Variants in ASIC2 observed in about 807,000 individuals in gnomAD.
ASIC2 encodes the protein acid sensing ion channel subunit 2.
In ASIC2, 25 loss-of-function variants were observed where a neutral mutation model predicts 57.3. The observed-to-expected ratio is 0.44, with a 90% CI of 0.32 to 0.61. The LOEUF (loss-of-function observed/expected upper bound fraction) is 0.61, where lower values mean the gene tolerates loss of function less well. ASIC2 is among the 20% of genes least tolerant of loss of function. The pLI is 0.06. For synonymous variants in ASIC2, 319 were observed against 307.5 expected (o/e 1.04, Z -0.39); for missense variants, 641 against 738.1 (o/e 0.87, Z 1.52).
intron 1 of ASIC2, among the ~76,000 whole-genome samples, chr17:33,414,156 G>A (rs1313475866): frequency 6.6e-6 from 1 of 152,110 alleles, no homozygotes; most frequent in African/African-American, 2.4e-5. Flanking sequence ...GAAGGTACAC[G>A]CCATAGGTAC....
chr17:33,571,753 G>A (rs1316995723), intron 1 of ASIC2, among the ~76,000 whole-genome samples: 1 of 152,184 alleles, frequency 6.6e-6, no homozygotes, highest in Non-Finnish European at 1.5e-5. Context: ...AAGACAAGAG[G>A]ATGTTGTCTG....
At chr17:33,291,267 A>G (rs1905425774) in intron 1 of ASIC2, 141 bp downstream of exon 1, 3 of 1,417,386 alleles carry the variant, frequency 2.1e-6, no homozygotes, top group African/African-American at 1.4e-5. Context: ...AGGGGACCCA[A>G]GAATGGGTTC....
chr17:33,731,145 C>A (rs1225526422), intron 1 of ASIC2, among the ~76,000 whole-genome samples: 4 of 152,200 alleles, frequency 2.6e-5, no homozygotes, highest in African/African-American at 9.7e-5. Flanking sequence ...TGTTTATATT[C>A]TCACACCTCA....
At chr17:33,348,599 G>C (rs1908042883) in intron 1 of ASIC2, among the ~76,000 whole-genome samples, 1 of 152,098 alleles carries the variant, frequency 6.6e-6, no homozygotes. Flanking sequence ...GAGAGGGTTA[G>C]GAAATTGGGT....
chr17:33,134,231 G>T (rs1021284102), intron 1 of ASIC2, among the ~76,000 whole-genome samples: 2 of 152,230 alleles, frequency 1.3e-5, no homozygotes, highest in African/African-American at 2.4e-5. Flanking sequence ...GCTCAGAAAG[G>T]TTAAGTCAGT....
At chr17:33,581,787 G>A (rs908020275) in intron 1 of ASIC2, among the ~76,000 whole-genome samples, 2 of 152,196 alleles carry the variant, frequency 1.3e-5, no homozygotes, top group Non-Finnish European at 2.9e-5. Context: ...TCGGCCCATC[G>A]AAGGCACTCT....
chr17:33,629,414 A>G (rs1027758212), intron 1 of ASIC2, among the ~76,000 whole-genome samples: 4 of 152,164 alleles, frequency 2.6e-5, no homozygotes, highest in African/African-American at 9.7e-5. Context: ...CAGCTCTCCT[A>G]ATTGGAAGAA....
intron 1 of ASIC2, among the ~76,000 whole-genome samples, chr17:33,807,514 A>G (rs1368390835): frequency 6.6e-6 from 1 of 152,186 alleles, no homozygotes; most frequent in Non-Finnish European, 1.5e-5. Flanking sequence ...GAGAAAGTGC[A>G]GGCCTACCAG....
chr17:34,071,229 G>A (rs1257114376), intron 1 of ASIC2: 1 of 152,042 alleles, frequency 6.6e-6, no homozygotes, highest in Non-Finnish European at 1.5e-5. Flanking sequence ...TAGTCTAGGG[G>A]CCGCAGGGAT....
chr17:33,189,262 T>C (rs1306876378), intron 1 of ASIC2, among the ~76,000 whole-genome samples: 1 of 151,846 alleles, frequency 6.6e-6, no homozygotes, highest in Non-Finnish European at 1.5e-5. Flanking sequence ...AAAATACCAG[T>C]AGTGCCAGAG....
chr17:33,659,212 T>A (rs1265670652), intron 1 of ASIC2, among the ~76,000 whole-genome samples: 1 of 152,146 alleles, frequency 6.6e-6, no homozygotes, highest in Non-Finnish European at 1.5e-5. Flanking sequence ...CCTCTGCAGT[T>A]CCTTGAAGCA....
chr17:33,671,698 G>A (rs1907643923), intron 1 of ASIC2, among the ~76,000 whole-genome samples: 1 of 152,198 alleles, frequency 6.6e-6, no homozygotes, highest in Non-Finnish European at 1.5e-5. Context: ...ACATCTTTAT[G>A]AGTCAAATCA....
chr17:33,379,893 C>G (rs1455412430), intron 1 of ASIC2, among the ~76,000 whole-genome samples: 1 of 152,092 alleles, frequency 6.6e-6, no homozygotes, highest in African/African-American at 2.4e-5. Flanking sequence ...TAGTATCTGG[C>G]ACCGAGTAGG....
rs11870117 is a variant in ASIC2 at position 34,042,552 on chromosome 17, T to A, written c.555+113426A>T. On this transcript the variant is annotated intron_variant, in intron 1 of 9. Transcript: ENST00000359872. ...ATCAGTGGAAGGCTGGAGACAGTGG[T>A]AAGGTGTGGGAAGGACAGGAGGGAG... 5.6e-3 allele frequency among the ~76,000 whole-genome samples: 849 copies of A among 151,984 alleles called. 12 individuals are homozygous for A. The highest frequency in any genetic ancestry group is 0.019 in the African/African-American group (803 of 41,432).
intron 1 of ASIC2, among the ~76,000 whole-genome samples, chr17:33,347,060 A>G (rs1907977134): frequency 6.6e-6 from 1 of 152,184 alleles, no homozygotes; most frequent in Non-Finnish European, 1.5e-5. Context: ...TTGCACACCA[A>G]AGGAAATGAT....
intron 1 of ASIC2, among the ~76,000 whole-genome samples, chr17:34,090,886 C>T (rs924810420): frequency 6.6e-6 from 1 of 152,186 alleles, no homozygotes; most frequent in Non-Finnish European, 1.5e-5. Context: ...TTGGAAGGCT[C>T]CAGGAGAAAA....
rs112600577 is a variant in ASIC2, at chr17:33,830,072, A to G, written c.555+325906T>C. Among the ~76,000 whole-genome samples the G allele has an allele frequency of 3.1e-4, 47 of 152,344 alleles. 2 individuals carry two copies. Among genetic ancestry groups the G allele is most frequent in the African/African-American group, 1.1e-3 (47 of 41,578 alleles). The stretch of plus-strand genomic sequence containing the variant: ...ACCCTATTCATAGGCAACTTTTCCT[A>G]TAACTGAGTTTTAAAAATAAATTAT... On this transcript the variant is annotated intron_variant, in intron 1 of 9. Coordinates refer to the ASIC2 transcript ENST00000359872.
intron 1 of ASIC2, chr17:34,003,264 A>C (rs1234313231): frequency 6.6e-6 from 1 of 152,158 alleles, no homozygotes; most frequent in Non-Finnish European, 1.5e-5. Flanking sequence ...AACCTCTTTG[A>C]CCTCAGTTTT....
At chr17:33,088,749 T>C in intron 3 of ASIC2, 114 bp downstream of exon 3, 1 of 1,368,346 alleles carries the variant, frequency 7.3e-7, no homozygotes, top group African/African-American at 1.5e-5. Context: ...CATCTTTCTC[T>C]AGTTTCACAG....
Sources: gnomAD v4.1 joint callset for allele counts (sites outside exome capture counted in the v4.1 genomes callset) on GRCh38, gnomAD v4.1.1 for gene constraint, MANE v1.5 for transcripts, NCBI Gene and HGNC (gene_info 2026-07-23, HGNC 2026-07-21) for gene names.